PCSK2: variants seen among roughly 807,000 people sequenced by gnomAD.
The protein encoded by PCSK2 is neuroendocrine convertase 2.
A neutral mutation model predicts 69.7 loss-of-function variants in PCSK2; 14 were observed. The ratio of observed to expected loss-of-function variants is 0.20; its 90% confidence interval spans 0.13 to 0.31. The LOEUF (loss-of-function observed/expected upper bound fraction) is 0.31. Among genes scored for constraint, PCSK2 ranks in the 10% least tolerant of loss-of-function variants. The pLI is 1.00. For synonymous variants in PCSK2, 307 were observed against 320.7 expected, an observed-to-expected ratio of 0.96 and a Z score of 0.46; for missense variants, 544 against 842.5, an observed-to-expected ratio of 0.65 and a Z score of 4.39.
rs575686006 is a variant in PCSK2, at chr20:17,354,156, T to A, written c.283-4171T>A. 1.9e-4 allele frequency among the ~76,000 whole-genome samples: 29 copies of A among 152,296 alleles called. No individual in the cohort carries two copies. In the South Asian group the frequency reaches 4.6e-3, roughly 24 times the overall value. On this transcript the variant is annotated intron_variant, in intron 2 of 11. Transcript: ENST00000262545. Reference sequence around the variant, plus strand: ...AAATAAAGTTGAAATTACAACAAAATTTTTTTAAATGTTTAAAAGATATTC... The same window carrying A: ...AAATAAAGTTGAAATTACAACAAAAATTTTTTAAATGTTTAAAAGATATTC...
intron 2 of PCSK2, among the ~76,000 whole-genome samples, chr20:17,297,448 A>G (rs566999459): frequency 2.4e-4 from 36 of 152,208 alleles, no homozygotes; most frequent in Middle Eastern, 3.2e-3. Flanking sequence ...CTGGGGAACT[A>G]GGAATGGACT....
At position 17,414,273 on chromosome 20, in the gene PCSK2, G is replaced by C. The variant is rs935946148; in HGVS notation, c.620+4934G>C. ...TGGTTTTTTGAAAAGATCAACAAAA[G>C]TGATAGATCACTAGCAAGACTAATA... On this transcript the variant is annotated intron_variant, in intron 6 of 11. Transcript: ENST00000262545. Among the ~76,000 whole-genome samples, 7 of 152,014 alleles carry C rather than the reference G, an allele frequency of 4.6e-5. No individual in the cohort carries two copies. The East Asian group carries it at 1.4e-3, about 29-fold the overall frequency.
At chr20:17,242,275 T>C (rs1986607420) in intron 1 of PCSK2, among the ~76,000 whole-genome samples, 1 of 152,250 alleles carries the variant, frequency 6.6e-6, no homozygotes, top group African/African-American at 2.4e-5. Context: ...TACTGAGTGC[T>C]AAGTCAGTGA....
intron 2 of PCSK2, among the ~76,000 whole-genome samples, chr20:17,315,356 G>T: frequency 6.6e-6 from 1 of 152,106 alleles, no homozygotes; most frequent in East Asian, 1.9e-4. Context: ...CACAACCAAA[G>T]ATTTGCACAC....
At chr20:17,430,591 G>A (rs1195552799) in intron 7 of PCSK2, among the ~76,000 whole-genome samples, 6 of 152,146 alleles carry the variant, frequency 3.9e-5, no homozygotes, top group Non-Finnish European at 8.8e-5. Context: ...ACATCTGGAG[G>A]TTTCTAAAAT....
intron 6 of PCSK2, among the ~76,000 whole-genome samples, chr20:17,415,206 A>G (rs1228707424): frequency 6.6e-6 from 1 of 152,206 alleles, no homozygotes; most frequent in East Asian, 1.9e-4. Context: ...CAAGAGAAAG[A>G]AATAACGGTA....
intron 4 of PCSK2, among the ~76,000 whole-genome samples, chr20:17,367,327 T>G (rs1268062287): frequency 6.6e-6 from 1 of 152,222 alleles, no homozygotes; most frequent in East Asian, 1.9e-4. Flanking sequence ...AGAAATAGAA[T>G]GTATTAAGTG....
chr20:17,341,450 C>T (rs191406106), intron 2 of PCSK2, among the ~76,000 whole-genome samples: 92 of 152,254 alleles, frequency 6.0e-4, no homozygotes, highest in African/African-American at 2.1e-3. Flanking sequence ...TTTCCATAAG[C>T]TGTGTATTTT....
At position 17,479,784 on chromosome 20, in the gene PCSK2, A is replaced by C. The variant is rs3790331; in HGVS notation, c.1431-1800A>C. ...TGCACTCCAGCCTGGGCGACAGAGC[A>C]AGACTCCGTCTCAAAAAAAAAAAAA... On this transcript the variant is annotated intron_variant, in intron 11 of 11. Transcript: ENST00000262545. Among the ~76,000 whole-genome samples, 16 of 132,808 alleles carry C rather than the reference A, an allele frequency of 1.2e-4. No individual in the cohort carries two copies. The East Asian group carries it at 3.3e-3, about 27-fold the overall frequency. The allele number at this position is 132,808 out of a possible 152,430, so 87.1% of individuals were successfully genotyped here.
rs1328517607 is a variant in PCSK2 at position 17,348,055 on chromosome 20, G to GAA, written c.283-10270_283-10269dup. ...AGAAGAAAGAAAGAAAGAAAGGAAA[G>GAA]AAAGAAAGAAAGAAAGAAAGAAAGA... is the stretch of plus-strand genomic sequence containing the variant. On this transcript the variant is annotated intron_variant, in intron 2 of 11. Coordinates refer to ENST00000262545, the MANE Select transcript of PCSK2 (RefSeq NM_002594.5). Among the ~76,000 whole-genome samples the GAA allele has an allele frequency of 4.6e-5, 2 of 43,200 alleles. 1 individual carries two copies. The highest frequency in any genetic ancestry group is 1.6e-3 in the South Asian group (2 of 1,268). 28.3% of individuals were successfully genotyped at this position (43,200 alleles called of 152,430 possible).
intron 1 of PCSK2, among the ~76,000 whole-genome samples, chr20:17,243,851 C>A (rs1053033859): frequency 6.6e-6 from 1 of 151,972 alleles, no homozygotes; most frequent in Non-Finnish European, 1.5e-5. Context: ...AAAGTATTAA[C>A]GTCATAAAAG....
Position 17,227,188 on chromosome 20 carries a change from T to C in PCSK2, c.-118T>C. The C allele has an allele frequency of 1.5e-6, 1 of 664,682 alleles. No homozygotes were observed. Among genetic ancestry groups the C allele is most frequent in the East Asian group, 2.7e-5 (1 of 36,676 alleles). The allele number at this position is 664,682 out of a possible 1,614,324, so 41.2% of individuals were successfully genotyped here. A position where few individuals can be genotyped will look rare whatever the true frequency, so the allele number is the denominator to read the frequency against. ...CAAGACCCTGTTCAGTCTCTTTCTC[T>C]ATACAAAGATTTTTTTAAAAACTAT... On this transcript the variant is annotated 5_prime_UTR_variant, in exon 1 of 12. Transcript: ENST00000262545.
At chr20:17,456,499 C>CAT in intron 10 of PCSK2, 51 bp downstream of exon 10, 1 of 968,264 alleles carries the variant, frequency 1.0e-6, no homozygotes, top group Non-Finnish European at 1.7e-6. Context: ...TGGACTAACA[C>CAT]GTGTCTCTCT....
chr20:17,302,161 T>C (rs1224111023), intron 2 of PCSK2, among the ~76,000 whole-genome samples: 1 of 152,072 alleles, frequency 6.6e-6, no homozygotes, highest in African/African-American at 2.4e-5. Flanking sequence ...ATATTCTTAT[T>C]GGGTTACAGT....
intron 2 of PCSK2, among the ~76,000 whole-genome samples, chr20:17,334,708 A>G (rs1456124566): frequency 6.6e-6 from 1 of 152,214 alleles, no homozygotes; most frequent in Non-Finnish European, 1.5e-5. Context: ...GAGAAGTAGA[A>G]GACCTGGAAC....
intron 1 of PCSK2, among the ~76,000 whole-genome samples, chr20:17,240,480 C>T (rs990684367): frequency 6.6e-6 from 1 of 152,090 alleles, no homozygotes; most frequent in Non-Finnish European, 1.5e-5. Flanking sequence ...GCTTCCACTG[C>T]CAGAGAACAC....
intron 2 of PCSK2, among the ~76,000 whole-genome samples, chr20:17,272,730 T>A (rs1386523711): frequency 6.6e-6 from 1 of 152,072 alleles, no homozygotes; most frequent in African/African-American, 2.4e-5. Context: ...TGACCCCATA[T>A]TAAAAGGAAA....
At chr20:17,238,646 T>G (rs992244755) in intron 1 of PCSK2, among the ~76,000 whole-genome samples, 1 of 152,160 alleles carries the variant, frequency 6.6e-6, no homozygotes, top group Non-Finnish European at 1.5e-5. Flanking sequence ...TGGGTGAGAC[T>G]CCTATAAGTG....
In PCSK2 at chr20:17,483,189, T is replaced by C. The variant is rs1317752693; in HGVS notation, c.*1119T>C. ...GTCATGGGAGGTGAAAGGGGCACGT[T>C]TGAAGATGCGAGCGCTATCTTCACA... On this transcript the variant is annotated 3_prime_UTR_variant, in exon 12 of 12. Coordinates refer to ENST00000262545, the MANE Select transcript of PCSK2 (RefSeq NM_002594.5). 4 of 152,122 alleles carry C rather than the reference T, an allele frequency of 2.6e-5. No individual in the cohort carries two copies. Among genetic ancestry groups the C allele is most frequent in the Admixed American group, 2.6e-4 (4 of 15,270 alleles). The allele number at this position is 152,122 out of a possible 1,614,324, so 9.4% of individuals were successfully genotyped here. A position where few individuals can be genotyped will look rare whatever the true frequency, so the allele number is the denominator to read the frequency against.
Sources: gnomAD v4.1 joint callset for allele counts (sites outside exome capture counted in the v4.1 genomes callset) on GRCh38, gnomAD v4.1.1 for gene constraint, MANE v1.5 for transcripts, NCBI Gene and HGNC (gene_info 2026-07-23, HGNC 2026-07-21) for gene names.